Variants in BPI observed in about 807,000 individuals in gnomAD.
BPI encodes bactericidal permeability increasing protein.
Under a neutral mutation model 57.6 loss-of-function variants are expected in BPI, and 48 were observed. The observed-to-expected ratio is 0.83, with a 90% CI of 0.66 to 1.06. The LOEUF is 1.06. Ranked by LOEUF, BPI falls within the 50% of genes least tolerant of loss-of-function variation. The probability of loss-of-function intolerance (pLI) is 0.00; values close to 1 mark genes in which losing one functional copy is unlikely to be tolerated. For missense variants in BPI, 651 were observed against 609.7 expected (o/e 1.07, Z -0.71); for synonymous variants, 237 against 238.2 (o/e 0.99, Z 0.05).
At chr20:38,305,899 C>T (rs1292480707) in intron 1 of BPI, among the ~76,000 whole-genome samples, 1 of 152,220 alleles carries the variant, frequency 6.6e-6, no homozygotes, top group Non-Finnish European at 1.5e-5. Context: ...AAAGTCTGGG[C>T]TCCCTCATCT....
chr20:38,321,169 ATGGATGGATGGATG>A (rs1568814929), intron 7 of BPI, among the ~76,000 whole-genome samples: 28 of 120,098 alleles, frequency 2.3e-4, no homozygotes, highest in African/African-American at 8.9e-4. Flanking sequence ...GGATGGATGG[ATGGATGGATGGATG>A]GATACATGGA....
intron 2 of BPI, among the ~76,000 whole-genome samples, chr20:38,308,442 C>A (rs549843528): frequency 6.6e-6 from 1 of 152,314 alleles, no homozygotes; most frequent in South Asian, 2.1e-4. Context: ...CATAAAAGTC[C>A]TCTACAGTTT....
At chr20:38,333,406 G>A (rs568299702) in intron 12 of BPI, among the ~76,000 whole-genome samples, 1 of 152,232 alleles carries the variant, frequency 6.6e-6, no homozygotes, top group Non-Finnish European at 1.5e-5. Flanking sequence ...CATCTTGAGG[G>A]TTTTACACTA....
intron 11 of BPI, among the ~76,000 whole-genome samples, chr20:38,327,980 A>G (rs1600711470): frequency 6.6e-6 from 1 of 152,242 alleles, no homozygotes; most frequent in East Asian, 1.9e-4. Flanking sequence ...GCGTCAGCTG[A>G]TGATCCCCAC....
chr20:38,315,841 T>TC (rs1219281797), intron 5 of BPI, among the ~76,000 whole-genome samples: 1 of 150,460 alleles, frequency 6.6e-6, no homozygotes, highest in African/African-American at 2.4e-5. Flanking sequence ...TTTTCTTTTT[T>TC]TTTTTTTTGG....
intron 14 of BPI, among the ~76,000 whole-genome samples, chr20:38,335,973 A>G (rs925243217): frequency 2.0e-5 from 3 of 152,190 alleles, no homozygotes; most frequent in African/African-American, 7.2e-5. Flanking sequence ...CTCTTTTTTA[A>G]GGTGCATTTA....
rs778745918 is a variant in BPI at position 38,327,667 on chromosome 20, T to C, written c.1229+12T>C. ...CTCAAGCTGGATAGGTAAGTGGGCC[T>C]GTGAGAGGAGGAGGGGGCTGCCCCT... On this transcript the variant is annotated intron_variant, in intron 11 of 14. Transcript: ENST00000642449. 6.2e-7 allele frequency: 1 copy of C among 1,613,044 alleles called. No homozygotes were observed. Among genetic ancestry groups the C allele is most frequent in the Non-Finnish European group, 8.5e-7 (1 of 1,179,314 alleles).
intron 10 of BPI, 137 bp from the exon 11 acceptor site, chr20:38,327,451 C>T: frequency 1.2e-6 from 1 of 845,406 alleles, no homozygotes; most frequent in East Asian, 2.8e-5. Context: ...TCTCCCCACT[C>T]CTCTGGCTCT....
At chr20:38,334,750 C>T (rs957480104) in intron 13 of BPI, among the ~76,000 whole-genome samples, 1 of 152,178 alleles carries the variant, frequency 6.6e-6, no homozygotes, top group Non-Finnish European at 1.5e-5. Flanking sequence ...GGATTATTAA[C>T]ATCTCCAACT....
At chr20:38,323,125 G>A (rs1178657530) in intron 7 of BPI, among the ~76,000 whole-genome samples, 3 of 152,140 alleles carry the variant, frequency 2.0e-5, no homozygotes, top group Non-Finnish European at 2.9e-5. Context: ...CCCCTTGGGT[G>A]CCTCTCCCCC....
At chr20:38,317,398 G>A (rs2076657280) in intron 5 of BPI, among the ~76,000 whole-genome samples, 1 of 152,206 alleles carries the variant, frequency 6.6e-6, no homozygotes, top group Non-Finnish European at 1.5e-5. Flanking sequence ...CACCTCAGAA[G>A]ACTCAAAAGT....
chr20:38,330,629 G>GC (rs2076737592), intron 11 of BPI, among the ~76,000 whole-genome samples: 1 of 152,146 alleles, frequency 6.6e-6, no homozygotes, highest in Non-Finnish European at 1.5e-5. Flanking sequence ...TGGCTTCATT[G>GC]CCCAGCAGGC....
At chr20:38,318,533 A>G (rs1408392861) in intron 6 of BPI, 57 bp downstream of exon 6, 11 of 1,576,102 alleles carry the variant, frequency 7.0e-6, no homozygotes, top group Non-Finnish European at 3.5e-6. Flanking sequence ...GGGGGTGAGG[A>G]CGTCAGGGTG....
At chr20:38,324,138 T>C (rs1600708730) in intron 8 of BPI, 92 bp downstream of exon 8, 2 of 1,424,308 alleles carry the variant, frequency 1.4e-6, no homozygotes, top group East Asian at 2.4e-5. Flanking sequence ...TTTTCTCACA[T>C]TGGGGTAGGT....
intron 3 of BPI, 64 bp from the exon 4 acceptor site, chr20:38,310,427 G>A (rs1444407237): frequency 6.4e-7 from 1 of 1,572,396 alleles, no homozygotes; most frequent in African/African-American, 1.3e-5. Flanking sequence ...CCAGCACTGG[G>A]GCAAAGTTTG....
intron 1 of BPI, among the ~76,000 whole-genome samples, chr20:38,306,925 G>A (rs1335013951): frequency 6.6e-6 from 1 of 152,142 alleles, no homozygotes; most frequent in Non-Finnish European, 1.5e-5. Flanking sequence ...GCTCATGCCT[G>A]TAACTCCAGC....
rs2076609023 is a variant in BPI at position 38,308,910 on chromosome 20, T to G, written c.246-20T>G. 6.2e-7 allele frequency: 1 copy of G among 1,613,964 alleles called. No individual in the cohort carries two copies. Among genetic ancestry groups the G allele is most frequent in the South Asian group, 1.1e-5 (1 of 91,076 alleles). On this transcript the variant is annotated intron_variant, in intron 2 of 14. Coordinates refer to ENST00000642449, the MANE Select transcript of BPI (RefSeq NM_001725.3). Reference sequence around the variant, plus strand: ...TAGGAGTATATGAAATTATATGACATTCACATTTCTCCTTTGCAGCATGGA... The same window carrying G: ...TAGGAGTATATGAAATTATATGACAGTCACATTTCTCCTTTGCAGCATGGA...
At chr20:38,314,389 G>C (rs908544093) in intron 5 of BPI, among the ~76,000 whole-genome samples, 1 of 124,382 alleles carries the variant, frequency 8.0e-6, no homozygotes, top group Non-Finnish European at 1.7e-5. Context: ...GTGATGGTGA[G>C]ATTGATGATG....
chr20:38,321,685 A>T (rs2076686426), intron 7 of BPI: 1 of 152,182 alleles, frequency 6.6e-6, no homozygotes, highest in African/African-American at 2.4e-5. Flanking sequence ...AAACTTTAGA[A>T]ACTGCAGAGG....
Sources: gnomAD v4.1 joint callset for allele counts (sites outside exome capture counted in the v4.1 genomes callset) on GRCh38, gnomAD v4.1.1 for gene constraint, MANE v1.5 for transcripts, NCBI Gene and HGNC (gene_info 2026-07-23, HGNC 2026-07-21) for gene names.